Variants in DOK5 observed in about 807,000 individuals in gnomAD.
DOK5 encodes downstream of tyrosine kinase 5.
In DOK5, 27 loss-of-function variants were observed where a neutral mutation model predicts 43.3. The observed-to-expected ratio is 0.62, with a 90% confidence interval of 0.46 to 0.86. The LOEUF is 0.86. DOK5 is among the 40% of genes least tolerant of loss of function. DOK5 has a pLI of 0.00. For synonymous variants in DOK5, 146 were observed against 140.1 expected (o/e 1.04, Z -0.30); for missense variants, 373 against 392.9 (o/e 0.95, Z 0.43).
chr20:54,619,213 G>A (rs887071290), intron 6 of DOK5, among the ~76,000 whole-genome samples: 2 of 150,552 alleles, frequency 1.3e-5, no homozygotes, highest in African/African-American at 4.9e-5. Context: ...TAAAGGGGGT[G>A]CTGGAAGAAG....
At chr20:54,641,539 TATCATCATCATC>T (rs56910547) in intron 6 of DOK5, among the ~76,000 whole-genome samples, 10 of 128,868 alleles carry the variant, frequency 7.8e-5, no homozygotes, top group South Asian at 3.2e-4. Flanking sequence ...AATTTCTAAT[TATCATCATCATC>T]ATCATCATCA....
intron 1 of DOK5, among the ~76,000 whole-genome samples, chr20:54,526,660 G>T (rs1264602649): frequency 6.6e-6 from 1 of 152,120 alleles, no homozygotes; most frequent in Non-Finnish European, 1.5e-5. Flanking sequence ...GTTCCCTAGA[G>T]CCATGTAATT....
chr20:54,539,215 G>A lies in DOK5; in HGVS notation c.67-15718G>A, dbSNP rs564298364. ...TGAGGCAGAAGAATTGCTTAAACCCGGGAGGCAGAGGTGAGATCGCACCCC... is the reference window on the plus strand; with the variant it reads ...TGAGGCAGAAGAATTGCTTAAACCCAGGAGGCAGAGGTGAGATCGCACCCC... On this transcript the variant is annotated intron_variant, in intron 1 of 7. Transcript: ENST00000262593. 4.8e-5 allele frequency among the ~76,000 whole-genome samples: 7 copies of A among 145,752 alleles called. No individual in the cohort carries two copies. In the East Asian group the frequency reaches 1.4e-3, roughly 29 times the overall value.
At chr20:54,579,979 G>C (rs1381007676) in intron 2 of DOK5, among the ~76,000 whole-genome samples, 1 of 152,000 alleles carries the variant, frequency 6.6e-6, no homozygotes, top group African/African-American at 2.4e-5. Flanking sequence ...CCCTCCCTGT[G>C]TCCATGTGTT....
At chr20:54,641,210 T>C (rs1339001805) in intron 6 of DOK5, among the ~76,000 whole-genome samples, 1 of 152,234 alleles carries the variant, frequency 6.6e-6, no homozygotes, top group East Asian at 1.9e-4. Context: ...TGGAATCTAA[T>C]CCTGTGTGAT....
At chr20:54,547,169 T>C (rs944066369) in intron 1 of DOK5, among the ~76,000 whole-genome samples, 1 of 152,214 alleles carries the variant, frequency 6.6e-6, no homozygotes, top group African/African-American at 2.4e-5. Flanking sequence ...GTATCCACAC[T>C]CATTCATTTA....
intron 2 of DOK5, among the ~76,000 whole-genome samples, chr20:54,568,407 C>A (rs1283475042): frequency 6.6e-6 from 1 of 152,086 alleles, no homozygotes; most frequent in Admixed American, 6.5e-5. Flanking sequence ...GTACATGATG[C>A]CAAAAGGAAA....
At chr20:54,493,914 G>C (rs574022500) in intron 1 of DOK5, among the ~76,000 whole-genome samples, 12 of 152,304 alleles carry the variant, frequency 7.9e-5, no homozygotes, top group African/African-American at 2.9e-4. Flanking sequence ...ACTCCAGCCT[G>C]GGTGACAGAC....
chr20:54,629,136 A>G (rs1021249585), intron 6 of DOK5, among the ~76,000 whole-genome samples: 1 of 152,172 alleles, frequency 6.6e-6, no homozygotes, highest in Admixed American at 6.5e-5. Context: ...TTGGAGAAAA[A>G]CAAAAGGGTT....
intron 6 of DOK5, among the ~76,000 whole-genome samples, chr20:54,638,904 A>T (rs554009512): frequency 1.3e-5 from 2 of 151,994 alleles, no homozygotes; most frequent in East Asian, 1.9e-4. Flanking sequence ...GCTGGTTTTG[A>T]ACTCCTGACC....
chr20:54,517,543 T>C (rs1028880433), intron 1 of DOK5, among the ~76,000 whole-genome samples: 14 of 152,184 alleles, frequency 9.2e-5, no homozygotes, highest in African/African-American at 3.1e-4. Flanking sequence ...TCCTTATTAG[T>C]AAAATAAAAT....
At chr20:54,506,109 C>A (rs1157830509) in intron 1 of DOK5, among the ~76,000 whole-genome samples, 1 of 152,200 alleles carries the variant, frequency 6.6e-6, no homozygotes, top group Non-Finnish European at 1.5e-5. Context: ...AGCAGCCCAG[C>A]TCTGCCTATA....
chr20:54,573,299 A>C (rs533091318), intron 2 of DOK5, among the ~76,000 whole-genome samples: 1 of 152,330 alleles, frequency 6.6e-6, no homozygotes, highest in East Asian at 1.9e-4. Context: ...AGCCCGGAGC[A>C]GGGAGAATGC....
At chr20:54,596,245 T>A (rs1320037777) in intron 5 of DOK5, among the ~76,000 whole-genome samples, 4 of 152,254 alleles carry the variant, frequency 2.6e-5, no homozygotes, top group Non-Finnish European at 5.9e-5. Flanking sequence ...TATTTTTGGA[T>A]GTGTTGAAAC....
At chr20:54,589,179 C>T (rs756579612) in intron 4 of DOK5, among the ~76,000 whole-genome samples, 19 of 152,110 alleles carry the variant, frequency 1.2e-4, no homozygotes, top group Admixed American at 2.0e-4. Flanking sequence ...ATTTAGAGGA[C>T]GTAAAGACTT....
chr20:54,647,140 C>T (rs1295543995), intron 7 of DOK5, among the ~76,000 whole-genome samples: 1 of 152,004 alleles, frequency 6.6e-6, no homozygotes, highest in African/African-American at 2.4e-5. Context: ...TCTCCCACGT[C>T]GTTTTAAAAT....
At chr20:54,545,555 T>A (rs1416874416) in intron 1 of DOK5, among the ~76,000 whole-genome samples, 1 of 152,160 alleles carries the variant, frequency 6.6e-6, no homozygotes, top group African/African-American at 2.4e-5. Flanking sequence ...GGCTGAGAGT[T>A]AGAGAAGCAA....
rs556661066 is a variant in DOK5 at position 54,476,098 on chromosome 20, T to C, written c.66+86T>C. ...GCATCCCTGGAGGGTGGACGGAGAG[T>C]CCCCGGCCGCGCGCCGGAGAATTGC... is the stretch of plus-strand genomic sequence containing the variant. On this transcript the variant is annotated intron_variant, in intron 1 of 7. Coordinates refer to ENST00000262593, the MANE Select transcript of DOK5 (RefSeq NM_018431.5). 5,349 of 1,579,488 alleles carry C rather than the reference T, an allele frequency of 3.4e-3. 15 individuals are homozygous for C. Among genetic ancestry groups the C allele is most frequent in the Middle Eastern group, 0.011 (62 of 5,628 alleles).
chr20:54,527,449 G>A (rs1192643425), intron 1 of DOK5, among the ~76,000 whole-genome samples: 1 of 152,072 alleles, frequency 6.6e-6, no homozygotes, highest in Non-Finnish European at 1.5e-5. Flanking sequence ...ATATTGTTAT[G>A]GCATCCACAG....
Sources: gnomAD v4.1 joint callset for allele counts (sites outside exome capture counted in the v4.1 genomes callset) on GRCh38, gnomAD v4.1.1 for gene constraint, MANE v1.5 for transcripts, NCBI Gene and HGNC (gene_info 2026-07-23, HGNC 2026-07-21) for gene names.